The following DCAF8L2 variants were observed in gnomAD, a reference collection of about 807,000 sequenced individuals.
The protein encoded by DCAF8L2 is DDB1 and CUL4 associated factor 8 like 2.
For missense variants in DCAF8L2, 430 were observed against 490.7 expected (o/e 0.88, Z 1.17); for synonymous variants, 200 against 190.9 (o/e 1.05, Z -0.39).
At chrX:27,470,010 C>A in the DCAF8L2 span, among the ~76,000 whole-genome samples, 1 of 110,973 alleles carries the variant, frequency 9.0e-6, no homozygotes, top group Non-Finnish European at 1.9e-5. Flanking sequence ...TCAGGTGATC[C>A]GCCCGCCTCG....
intron 3 of DCAF8L2, among the ~76,000 whole-genome samples, chrX:27,703,688 C>G (rs1022751389): frequency 9.1e-6 from 1 of 110,481 alleles, no homozygotes; most frequent in Non-Finnish European, 1.9e-5. Context: ...GAAGTTGGAC[C>G]CTGAACTCAC....
At chrX:27,512,471 G>A in the DCAF8L2 span, among the ~76,000 whole-genome samples, 3 of 109,113 alleles carry the variant, frequency 2.7e-5, no homozygotes, top group Admixed American at 9.9e-5. Context: ...ATTGCCTGAG[G>A]TCAGGAGTTC....
intron 3 of DCAF8L2, among the ~76,000 whole-genome samples, chrX:27,700,315 G>A (rs2147266720): frequency 1.8e-5 from 2 of 110,113 alleles, no homozygotes; most frequent in Middle Eastern, 4.7e-3. Flanking sequence ...AAGGAGGAAT[G>A]AAAATTAAAG....
At chrX:27,575,756 T>C in the DCAF8L2 span, among the ~76,000 whole-genome samples, 1 of 112,146 alleles carries the variant, frequency 8.9e-6, no homozygotes, top group African/African-American at 3.2e-5. Flanking sequence ...TTTGGTAATA[T>C]AGTACATGCC....
chrX:27,497,254 G>C, the DCAF8L2 span, among the ~76,000 whole-genome samples: 101 of 111,745 alleles, frequency 9.0e-4, no homozygotes, highest in Middle Eastern at 4.7e-3. Flanking sequence ...TAACAATGTT[G>C]GTTTCCTAAG....
At chrX:27,528,048 AATT>A in the DCAF8L2 span, among the ~76,000 whole-genome samples, 23 of 45,077 alleles carry the variant, frequency 5.1e-4, no homozygotes, top group Non-Finnish European at 1.0e-3. Context: ...TAATTTAATT[AATT>A]ATTAAATTAA....
At chrX:27,486,325 A>G in the DCAF8L2 span, among the ~76,000 whole-genome samples, 3 of 110,973 alleles carry the variant, frequency 2.7e-5, no homozygotes, top group Non-Finnish European at 5.7e-5. Flanking sequence ...TAAACAATAA[A>G]TAAAAGAAGG....
chrX:27,606,676 C>T (rs1409339598), intron 1 of DCAF8L2, among the ~76,000 whole-genome samples: 1 of 109,145 alleles, frequency 9.2e-6, no homozygotes, highest in Non-Finnish European at 1.9e-5. Flanking sequence ...TGGCCAATTC[C>T]TAGTAGTATA....
At chrX:27,602,222 A>G (rs1022275228) in intron 1 of DCAF8L2, among the ~76,000 whole-genome samples, 1 of 110,438 alleles carries the variant, frequency 9.1e-6, no homozygotes, top group Non-Finnish European at 1.9e-5. Context: ...TTTAGTAGAG[A>G]CGGGGTTTCT....
chrX:27,685,496 A>G (rs940366324), intron 3 of DCAF8L2, among the ~76,000 whole-genome samples: 1 of 111,943 alleles, frequency 8.9e-6, no homozygotes, highest in Admixed American at 9.5e-5. Context: ...AGCCTCTTTC[A>G]TAGATGGTTC....
chrX:27,647,063 A>G, intron 2 of DCAF8L2, among the ~76,000 whole-genome samples: 2 of 112,094 alleles, frequency 1.8e-5, no homozygotes, highest in Middle Eastern at 4.6e-3. Flanking sequence ...TACTGGTTAT[A>G]TACCCAAAGG....
chrX:27,512,113 A>T, the DCAF8L2 span, among the ~76,000 whole-genome samples: 3 of 75,590 alleles, frequency 4.0e-5, no homozygotes, highest in East Asian at 1.8e-3. Context: ...CATAAAAAAT[A>T]AAAAAAAATT....
intron 4 of DCAF8L2, among the ~76,000 whole-genome samples, chrX:27,722,012 A>G (rs886859753): frequency 1.8e-5 from 2 of 111,837 alleles, no homozygotes; most frequent in Non-Finnish European, 3.8e-5. Flanking sequence ...AAGCTGAAAT[A>G]TATTAAAATT....
intron 4 of DCAF8L2, among the ~76,000 whole-genome samples, chrX:27,739,553 C>G (rs1333558813): frequency 1.8e-5 from 2 of 111,661 alleles, no homozygotes; most frequent in African/African-American, 3.3e-5. Flanking sequence ...TATTCACTCC[C>G]TAGGTGATCT....
At chrX:27,693,131 A>C (rs776832301) in intron 3 of DCAF8L2, among the ~76,000 whole-genome samples, 3 of 111,833 alleles carry the variant, frequency 2.7e-5, no homozygotes, top group Non-Finnish European at 5.6e-5. Context: ...AAGTGACTCT[A>C]TCTCTTAAAA....
the DCAF8L2 span, among the ~76,000 whole-genome samples, chrX:27,478,828 C>T: frequency 1.8e-5 from 2 of 111,685 alleles, no homozygotes; most frequent in African/African-American, 6.5e-5. Context: ...TAAAATTAGA[C>T]AACTTTTACA....
At chrX:27,575,217 G>T in the DCAF8L2 span, among the ~76,000 whole-genome samples, 1 of 111,155 alleles carries the variant, frequency 9.0e-6, no homozygotes. Context: ...CTGTCGTTGT[G>T]CTTTTCCACC....
the DCAF8L2 span, among the ~76,000 whole-genome samples, chrX:27,491,454 C>A: frequency 8.9e-6 from 1 of 112,042 alleles, no homozygotes; most frequent in Non-Finnish European, 1.9e-5. Context: ...TAAATTAGTG[C>A]CAGTACCATG....
the DCAF8L2 span, among the ~76,000 whole-genome samples, chrX:27,469,982 G>C: frequency 1.0e-3 from 111 of 110,657 alleles, no homozygotes; most frequent in African/African-American, 3.5e-3. Context: ...TGGCCAGGCT[G>C]GTCTCGAACT....
Sources: allele counts gnomAD v4.1 joint callset (sites outside exome capture counted in the v4.1 genomes callset), GRCh38; gene constraint gnomAD v4.1.1; transcripts MANE v1.5; gene names NCBI Gene and HGNC (gene_info 2026-07-23, HGNC 2026-07-21).